Variants in HTR2A observed in about 807,000 individuals in gnomAD.
The protein encoded by HTR2A is 5-HT2 receptor.
In HTR2A, 14 loss-of-function variants were observed where a neutral mutation model predicts 31.0. That is an observed-to-expected ratio of 0.45 (90% CI 0.30 to 0.71). The LOEUF is 0.71. Among genes scored for constraint, HTR2A ranks in the 30% least tolerant of loss-of-function variants. The probability of loss-of-function intolerance (pLI) is 0.09; values close to 1 mark genes in which losing one functional copy is unlikely to be tolerated. For synonymous variants in HTR2A, 209 were observed against 225.2 expected, an observed-to-expected ratio of 0.93 and a Z score of 0.64; for missense variants, 442 against 573.3, an observed-to-expected ratio of 0.77 and a Z score of 2.34.
At chr13:46,837,535 T>C (rs148945025) in intron 3 of HTR2A, among the ~76,000 whole-genome samples, 2 of 152,284 alleles carry the variant, frequency 1.3e-5, no homozygotes, top group Admixed American at 6.5e-5. Flanking sequence ...ACAAAGAGTG[T>C]TGTGGTTACT....
intron 3 of HTR2A, among the ~76,000 whole-genome samples, chr13:46,859,215 C>A (rs1372801869): frequency 6.6e-6 from 1 of 151,974 alleles, no homozygotes; most frequent in Non-Finnish European, 1.5e-5. Context: ...TATAATTTGC[C>A]CAAGCCTTCA....
chr13:46,894,425 A>G (rs1951084345), intron 2 of HTR2A, among the ~76,000 whole-genome samples: 1 of 152,192 alleles, frequency 6.6e-6, no homozygotes, highest in East Asian at 1.9e-4. Context: ...AAATGAAATC[A>G]TTCCGGTGTG....
chr13:46,862,150 A>G (rs1341272710), intron 3 of HTR2A, among the ~76,000 whole-genome samples: 3 of 152,190 alleles, frequency 2.0e-5, no homozygotes, highest in African/African-American at 7.2e-5. Context: ...TGCCAGATCT[A>G]TTATAATTAA....
rs1285913148 is a variant in HTR2A at position 46,895,972 on chromosome 13, A to G, written c.-66T>C. The stretch of plus-strand genomic sequence containing the variant: ...TAACAGGTTATAGTTTCTGCTCACC[A>G]TTCACCTTGATGTACCCACACTCTG... On this transcript the variant is annotated 5_prime_UTR_variant, in exon 2 of 4. The change abolishes an upstream ATG in the 5' untranslated region. Coordinates refer to ENST00000542664, the MANE Select transcript of HTR2A (RefSeq NM_000621.5). This position sits in a 1 kb window ranked among gnomAD's most constrained non-coding sequence, Gnocchi z 4.4. 11 of 1,534,390 alleles carry G rather than the reference A, an allele frequency of 7.2e-6. No individual in the cohort carries two copies. In the East Asian group the frequency reaches 2.0e-4, roughly 28 times the overall value.
intron 3 of HTR2A, among the ~76,000 whole-genome samples, chr13:46,877,296 G>A (rs1011894336): frequency 2.6e-5 from 4 of 152,148 alleles, no homozygotes; most frequent in Non-Finnish European, 4.4e-5. Flanking sequence ...AATCTGAAAC[G>A]AAAGCTCACC....
At chr13:46,886,644 G>T (rs1276693114) in intron 3 of HTR2A, among the ~76,000 whole-genome samples, 1 of 152,132 alleles carries the variant, frequency 6.6e-6, no homozygotes, top group East Asian at 1.9e-4. Flanking sequence ...CCTGTCCTTG[G>T]GGTCAGGGAG....
intron 3 of HTR2A, among the ~76,000 whole-genome samples, chr13:46,854,837 C>G (rs757423377): frequency 2.8e-4 from 42 of 152,154 alleles, no homozygotes; most frequent in Admixed American, 6.5e-5. Flanking sequence ...TCAAATGATC[C>G]CCAGTAGCTG....
In HTR2A at chr13:46,834,821, C is replaced by T; in HGVS notation, c.*16G>A. The stretch of plus-strand genomic sequence containing the variant: ...TGCTCAGTGTGCCTTCCACAGTTGC[C>T]ACGGCAACTAGCCTATCACACACAG... On this transcript the variant is annotated 3_prime_UTR_variant, in exon 4 of 4. Transcript: ENST00000542664. 6.3e-7 allele frequency: 1 copy of T among 1,581,246 alleles called. No homozygotes were observed. The highest frequency in any genetic ancestry group is 8.6e-7 in the Non-Finnish European group (1 of 1,162,464).
chr13:46,864,504 T>C (rs1950805027), intron 3 of HTR2A, among the ~76,000 whole-genome samples: 1 of 152,188 alleles, frequency 6.6e-6, no homozygotes, highest in Admixed American at 6.5e-5. Context: ...GAGTGTCATT[T>C]TCTAGGACCA....
Position 46,835,037 on chromosome 13 carries a change from A to G in HTR2A, c.1216T>C (p.Leu406=), listed in dbSNP as rs1431824979. Residue 406 remains leucine, a synonymous_variant, in exon 4 of 4, where the codon TTG becomes CTG. Transcript: ENST00000542664. Reference sequence around the variant, plus strand: ...ATTGTGTTCACTAAAATTAACTGCAATGGTTTTTTGTTTTCCTTGTACTGA... The same window carrying G: ...ATTGTGTTCACTAAAATTAACTGCAGTGGTTTTTTGTTTTCCTTGTACTGA... ...QCQYKENKKP[L]QLILVNTIPA... 1 of 1,614,140 alleles carries G rather than the reference A, an allele frequency of 6.2e-7. No homozygotes were observed. Among genetic ancestry groups the G allele is most frequent in the South Asian group, 1.1e-5 (1 of 91,074 alleles).
At chr13:46,881,391 C>T (rs1453766708) in intron 3 of HTR2A, among the ~76,000 whole-genome samples, 1 of 152,204 alleles carries the variant, frequency 6.6e-6, no homozygotes, top group Non-Finnish European at 1.5e-5. Context: ...ATGAACATCT[C>T]TGTTCCTGGA....
chr13:46,832,324 T>A lies in HTR2A; in HGVS notation c.*2513A>T, dbSNP rs1876274065. The stretch of plus-strand genomic sequence containing the variant: ...TTCATTGACTTGCTTTTCGTCCATA[T>A]AAATATATAAATATTGAATAAAGTG... On this transcript the variant is annotated 3_prime_UTR_variant, in exon 4 of 4. Coordinates refer to ENST00000542664, the MANE Select transcript of HTR2A (RefSeq NM_000621.5). 2.6e-5 allele frequency: 4 copies of A among 152,216 alleles called. No individual in the cohort carries two copies. Among genetic ancestry groups the A allele is most frequent in the African/African-American group, 7.2e-5 (3 of 41,466 alleles). 9.4% of individuals were successfully genotyped at this position (152,216 alleles called of 1,614,324 possible).
rs1340093227 is a variant in HTR2A at position 46,895,278 on chromosome 13, A to C, written c.412+217T>G. 4.0e-6 allele frequency: 2 copies of C among 504,650 alleles called. No homozygotes were observed. Among genetic ancestry groups the C allele is most frequent in the Non-Finnish European group, 7.0e-6 (2 of 286,420 alleles). The allele number at this position is 504,650 out of a possible 1,614,324, so 31.3% of individuals were successfully genotyped here. ...ACACAGGATGTACGCGTTTTGAAGCACAAAACTCTCCAGTGATCACAGGTC... is the reference window on the plus strand; with the variant it reads ...ACACAGGATGTACGCGTTTTGAAGCCCAAAACTCTCCAGTGATCACAGGTC... On this transcript the variant is annotated intron_variant, in intron 2 of 3. Coordinates refer to ENST00000542664, the MANE Select transcript of HTR2A (RefSeq NM_000621.5). The surrounding 1 kb of genome is among the most constrained non-coding windows in gnomAD (Gnocchi z 4.4).
chr13:46,876,785 T>G (rs772861503), intron 3 of HTR2A, among the ~76,000 whole-genome samples: 4 of 152,154 alleles, frequency 2.6e-5, no homozygotes, highest in Non-Finnish European at 4.4e-5. Flanking sequence ...TGCTTTATGT[T>G]CACTGAATCC....
At chr13:46,866,819 G>A (rs1950821993) in intron 3 of HTR2A, among the ~76,000 whole-genome samples, 1 of 152,170 alleles carries the variant, frequency 6.6e-6, no homozygotes, top group South Asian at 2.1e-4. Context: ...CTGAGGTCAG[G>A]AGTTCGAGAC....
intron 3 of HTR2A, among the ~76,000 whole-genome samples, chr13:46,850,158 G>C (rs1923887): frequency 0.61 from 92,728 of 152,020 alleles, 28,489 homozygotes; most frequent in Non-Finnish European, 0.66. Context: ...TCCCTAGACA[G>C]AGCCCTTTCT....
chr13:46,835,944 A>T (rs949114361), intron 3 of HTR2A, among the ~76,000 whole-genome samples: 10 of 152,096 alleles, frequency 6.6e-5, no homozygotes, highest in Non-Finnish European at 1.5e-4. Flanking sequence ...GAAGAAACAC[A>T]CAGAGAGGCA....
At chr13:46,896,422 A>G (rs1951105658) in intron 1 of HTR2A, among the ~76,000 whole-genome samples, 188 bp from the exon 2 acceptor site, 1 of 152,248 alleles carries the variant, frequency 6.6e-6, no homozygotes, top group Non-Finnish European at 1.5e-5. Flanking sequence ...TTAATCCCAT[A>G]GTAATTGGAT....
At chr13:46,881,834 A>G (rs1950966498) in intron 3 of HTR2A, among the ~76,000 whole-genome samples, 1 of 152,168 alleles carries the variant, frequency 6.6e-6, no homozygotes, top group African/African-American at 2.4e-5. Context: ...TCCAGTGTAA[A>G]GGCTGACAGA....
Sources: allele counts gnomAD v4.1 joint callset (sites outside exome capture counted in the v4.1 genomes callset), GRCh38; gene constraint gnomAD v4.1.1; non-coding constraint Gnocchi (gnomAD v3.1); transcripts MANE v1.5; gene names NCBI Gene and HGNC (gene_info 2026-07-23, HGNC 2026-07-21).